The following CYFIP1 variants were observed in gnomAD, a reference collection of about 807,000 sequenced individuals.
The protein encoded by CYFIP1 is cytoplasmic FMR1-interacting protein 1.
A neutral mutation model predicts 163.5 loss-of-function variants in CYFIP1; 58 were observed. The ratio of observed to expected loss-of-function variants is 0.35; its 90% CI spans 0.29 to 0.44. The LOEUF (loss-of-function observed/expected upper bound fraction) is 0.44. Ranked by LOEUF, CYFIP1 falls within the 20% of genes least tolerant of loss-of-function variation. The pLI, the probability that CYFIP1 is intolerant of heterozygous loss-of-function variation, is 1.00. For missense variants in CYFIP1, 1,338 were observed against 1,653.8 expected, an observed-to-expected ratio of 0.81 and a Z score of 3.31; for synonymous variants, 663 against 660.7, an observed-to-expected ratio of 1.00 and a Z score of -0.05.
chr15:22,888,888 A>G (rs1425259308), intron 23 of CYFIP1, among the ~76,000 whole-genome samples: 1 of 151,958 alleles, frequency 6.6e-6, no homozygotes, highest in East Asian at 1.9e-4. Flanking sequence ...TAAAAATACA[A>G]AAATTGGCCA....
chr15:22,933,504 C>A (rs957880152), intron 10 of CYFIP1, among the ~76,000 whole-genome samples: 1 of 151,560 alleles, frequency 6.6e-6, no homozygotes, highest in Admixed American at 6.6e-5. Flanking sequence ...TTAGTAGAGA[C>A]GGGGTTTCAC....
chr15:22,896,381 A>T (rs1278496214), intron 22 of CYFIP1, among the ~76,000 whole-genome samples: 1 of 151,944 alleles, frequency 6.6e-6, no homozygotes, highest in Admixed American at 6.6e-5. Context: ...GTTTTCATCA[A>T]ATCTGGGAAA....
At chr15:22,875,936 C>T (rs2059575100) in intron 26 of CYFIP1, among the ~76,000 whole-genome samples, 2 of 131,162 alleles carry the variant, frequency 1.5e-5, no homozygotes, top group Non-Finnish European at 3.3e-5. Flanking sequence ...GACAGCAGAA[C>T]ACCCCAAATC....
At chr15:22,974,394 T>C (rs757069731) in intron 1 of CYFIP1, among the ~76,000 whole-genome samples, 22 of 151,662 alleles carry the variant, frequency 1.5e-4, no homozygotes, top group Admixed American at 1.3e-3. Context: ...CTGGGCAACA[T>C]AGTGATACCC....
chr15:22,879,875 G>A (rs1215452239), intron 26 of CYFIP1, 38 bp downstream of exon 26: 2 of 1,507,348 alleles, frequency 1.3e-6, no homozygotes, highest in South Asian at 1.2e-5. Flanking sequence ...GGTGGGGTGG[G>A]CTGGGGCGGG....
chr15:22,903,594 T>C, intron 22 of CYFIP1, 112 bp downstream of exon 22: 2 of 1,136,356 alleles, frequency 1.8e-6, no homozygotes, highest in East Asian at 2.4e-5. Context: ...TGAGAAGTGA[T>C]GGGGAGCAGC....
intron 29 of CYFIP1, 47 bp from the exon 30 acceptor site, chr15:22,873,019 T>C (rs1344981170): frequency 6.2e-7 from 1 of 1,601,126 alleles, no homozygotes; most frequent in African/African-American, 1.3e-5. Context: ...TGATACGTTA[T>C]GAAGTCTTTT....
rs767739253 is a variant in CYFIP1, at chr15:22,910,829, G to C, written c.2083-16C>G. 24 of 1,606,514 alleles carry C rather than the reference G, an allele frequency of 1.5e-5. No individual in the cohort carries two copies. In the African/African-American group the frequency reaches 2.5e-4, roughly 17 times the overall value. On this transcript the variant is annotated splice_polypyrimidine_tract_variant and intron_variant, in intron 18 of 30. Transcript: ENST00000617928. ...ATAGATTCACCTGAAGAAAAAGAAA[G>C]CACACGTTACAGTTTGATTCCCTAA...
At chr15:22,897,660 T>A (rs2060279276) in intron 22 of CYFIP1, among the ~76,000 whole-genome samples, 1 of 151,934 alleles carries the variant, frequency 6.6e-6, no homozygotes, top group African/African-American at 2.4e-5. Flanking sequence ...ATTTTTGTAT[T>A]TTTAGTAGAG....
intron 1 of CYFIP1, among the ~76,000 whole-genome samples, chr15:22,955,963 A>AG (rs2062435379): frequency 6.6e-6 from 1 of 152,150 alleles, no homozygotes; most frequent in African/African-American, 2.4e-5. Context: ...CACTTCTCTA[A>AG]TCCCAGCACT....
chr15:22,935,963 G>A (rs993750448), intron 9 of CYFIP1, among the ~76,000 whole-genome samples: 1 of 152,170 alleles, frequency 6.6e-6, no homozygotes, highest in African/African-American at 2.4e-5. Flanking sequence ...GCCTCTTAGG[G>A]GAGAATACAT....
intron 22 of CYFIP1, among the ~76,000 whole-genome samples, chr15:22,900,234 C>G (rs2060351953): frequency 6.6e-6 from 1 of 151,950 alleles, no homozygotes; most frequent in African/African-American, 2.4e-5. Context: ...CAAGTGAAGA[C>G]AGAGAGGAGA....
At chr15:22,878,232 G>C (rs964585751) in intron 26 of CYFIP1, among the ~76,000 whole-genome samples, 2 of 152,200 alleles carry the variant, frequency 1.3e-5, no homozygotes, top group African/African-American at 4.8e-5. Context: ...CCTGGGGAGG[G>C]AACATGCTGA....
In CYFIP1 at chr15:22,957,362, C is replaced by T. The variant is rs537652647; in HGVS notation, c.-6-10071G>A. 2.4e-4 allele frequency among the ~76,000 whole-genome samples: 36 copies of T among 152,234 alleles called. 1 individual carries two copies. Among genetic ancestry groups the T allele is most frequent in the African/African-American group, 7.2e-4 (30 of 41,534 alleles). On this transcript the variant is annotated intron_variant, in intron 1 of 30. Transcript: ENST00000617928. ...CTAAAAATACAAAAAATTGGCCGGGCGCAGTGGCTCACACCTGTAATCCCA... is the reference window on the plus strand; with the variant it reads ...CTAAAAATACAAAAAATTGGCCGGGTGCAGTGGCTCACACCTGTAATCCCA...
At chr15:22,946,306 A>C (rs983340315) in intron 3 of CYFIP1, among the ~76,000 whole-genome samples, 1 of 151,930 alleles carries the variant, frequency 6.6e-6, no homozygotes, top group African/African-American at 2.4e-5. Flanking sequence ...CCATCTCAAA[A>C]AAAAAAAAGA....
intron 9 of CYFIP1, among the ~76,000 whole-genome samples, chr15:22,934,406 C>T (rs1295236916): frequency 6.8e-6 from 1 of 147,288 alleles, no homozygotes; most frequent in African/African-American, 2.5e-5. Flanking sequence ...AGGATGGTCT[C>T]AATCTCCTGA....
intron 30 of CYFIP1, chr15:22,872,576 A>G (rs1235616665): frequency 4.4e-6 from 2 of 452,426 alleles, no homozygotes; most frequent in Non-Finnish European, 8.0e-6. Context: ...CTGACAATGC[A>G]GATCCTGTAA....
chr15:22,927,016 T>C lies in CYFIP1; in HGVS notation c.1233+890A>G, dbSNP rs964100274. Among the ~76,000 whole-genome samples the C allele has an allele frequency of 3.7e-4, 56 of 152,100 alleles. 3 individuals carry two copies. ...TATTATGCATCAATACAAGTAAATA[T>C]TTAAAGCAAAATAAAATTTAAATGA... is the stretch of plus-strand genomic sequence containing the variant. On this transcript the variant is annotated intron_variant, in intron 12 of 30. Coordinates refer to ENST00000617928, the MANE Select transcript of CYFIP1 (RefSeq NM_014608.6).
intron 24 of CYFIP1, among the ~76,000 whole-genome samples, chr15:22,882,377 G>A (rs1272759277): frequency 1.3e-5 from 2 of 152,234 alleles, no homozygotes; most frequent in African/African-American, 2.4e-5. Flanking sequence ...AGTCCCCAGC[G>A]GGTCCTGGAA....
Sources: allele counts gnomAD v4.1 joint callset (sites outside exome capture counted in the v4.1 genomes callset), GRCh38; gene constraint gnomAD v4.1.1; transcripts MANE v1.5; gene names NCBI Gene and HGNC (gene_info 2026-07-23, HGNC 2026-07-21).